CTNND2: variants seen among roughly 807,000 people sequenced by gnomAD.
CTNND2 encodes catenin delta 2, also known as catenin delta-2.
CTNND2 carries 22 observed loss-of-function variants against 144.4 expected under a neutral mutation model. The ratio of observed to expected loss-of-function variants is 0.15; its 90% confidence interval spans 0.11 to 0.22. The LOEUF is 0.22. CTNND2 is among the 10% of genes least tolerant of loss of function. The probability of loss-of-function intolerance (pLI) is 1.00; values close to 1 mark genes in which losing one functional copy is unlikely to be tolerated. For synonymous variants in CTNND2, 751 were observed against 695.6 expected, an observed-to-expected ratio of 1.08 and a Z score of -1.25; for missense variants, 1,353 against 1,618.8, an observed-to-expected ratio of 0.84 and a Z score of 2.82.
At chr5:11,020,399 G>T (rs1742115101) in intron 17 of CTNND2, among the ~76,000 whole-genome samples, 2 of 151,948 alleles carry the variant, frequency 1.3e-5, no homozygotes, top group South Asian at 4.2e-4. Context: ...TTTAGGGTGG[G>T]CAAATTAGCA....
At chr5:10,993,491 A>G (rs1033356939) in intron 18 of CTNND2, among the ~76,000 whole-genome samples, 1 of 152,188 alleles carries the variant, frequency 6.6e-6, no homozygotes, top group Non-Finnish European at 1.5e-5. Flanking sequence ...TTTTTATCAA[A>G]GTAACATGTT....
chr5:11,743,291 G>T (rs999350813), intron 1 of CTNND2, among the ~76,000 whole-genome samples: 5 of 152,150 alleles, frequency 3.3e-5, no homozygotes, highest in African/African-American at 1.2e-4. Flanking sequence ...TGCATTAGGA[G>T]CATTTCTCTA....
chr5:11,561,202 A>G (rs1471491663), intron 3 of CTNND2, among the ~76,000 whole-genome samples: 1 of 152,192 alleles, frequency 6.6e-6, no homozygotes, highest in Non-Finnish European at 1.5e-5. Context: ...GCAGGACTTG[A>G]TCATGACCCT....
At chr5:11,623,808 G>GTATATATATATATATA (rs58954001) in intron 2 of CTNND2, among the ~76,000 whole-genome samples, 2 of 40,756 alleles carry the variant, frequency 4.9e-5, no homozygotes, top group Non-Finnish European at 9.9e-5. Context: ...ATGTGTGTAT[G>GTATATATATATATATA]TATATATATA....
intron 2 of CTNND2, among the ~76,000 whole-genome samples, chr5:11,625,068 A>G (rs535598041): frequency 9.9e-5 from 15 of 152,114 alleles, no homozygotes; most frequent in Non-Finnish European, 1.9e-4. Flanking sequence ...TAGCATACAA[A>G]GATATGACCA....
At chr5:11,638,736 G>C (rs1781839430) in intron 2 of CTNND2, among the ~76,000 whole-genome samples, 1 of 151,970 alleles carries the variant, frequency 6.6e-6, no homozygotes, top group South Asian at 2.1e-4. Context: ...ACCACACCAG[G>C]CTATTTTTTG....
intron 2 of CTNND2, among the ~76,000 whole-genome samples, chr5:11,606,789 G>T (rs1387026950): frequency 6.6e-6 from 1 of 152,160 alleles, no homozygotes; most frequent in African/African-American, 2.4e-5. Flanking sequence ...TTCAGGATTT[G>T]TTCATCAACA....
At chr5:11,222,319 T>C (rs945163083) in intron 10 of CTNND2, among the ~76,000 whole-genome samples, 5 of 152,360 alleles carry the variant, frequency 3.3e-5, no homozygotes, top group South Asian at 4.1e-4. Context: ...TGCATCATTG[T>C]TCGCAAGTCA....
At chr5:11,482,915 C>G (rs574835883) in intron 3 of CTNND2, among the ~76,000 whole-genome samples, 3 of 151,932 alleles carry the variant, frequency 2.0e-5, no homozygotes, top group East Asian at 3.9e-4. Flanking sequence ...GGTCAGCAGG[C>G]AAAGGGGAGG....
At chr5:11,737,922 T>C (rs1426955148) in intron 1 of CTNND2, among the ~76,000 whole-genome samples, 1 of 152,200 alleles carries the variant, frequency 6.6e-6, no homozygotes, top group African/African-American at 2.4e-5. Flanking sequence ...GGACTTCTGG[T>C]CTCCAGAAAT....
intron 18 of CTNND2, 74 bp downstream of exon 18, chr5:11,017,900 C>T: frequency 8.6e-7 from 1 of 1,167,048 alleles, no homozygotes; most frequent in Non-Finnish European, 1.3e-6. Context: ...GGAAAGTGCC[C>T]TCCACGTCTG....
intron 9 of CTNND2, among the ~76,000 whole-genome samples, chr5:11,281,026 C>T (rs1747057980): frequency 2.0e-5 from 3 of 152,172 alleles, no homozygotes; most frequent in Non-Finnish European, 4.4e-5. Context: ...ACTTCACCTT[C>T]TTTGAATCAG....
chr5:11,442,582 A>T (rs1764356396), intron 3 of CTNND2, among the ~76,000 whole-genome samples: 1 of 151,978 alleles, frequency 6.6e-6, no homozygotes, highest in Non-Finnish European at 1.5e-5. Context: ...TTTGGGAAAT[A>T]GGATTAGCTT....
In CTNND2 at chr5:11,795,043, CAATA is replaced by C. The variant is rs1264307156; in HGVS notation, c.38-62775_38-62772del. On this transcript the variant is annotated intron_variant, in intron 1 of 21. Transcript: ENST00000304623. Reference sequence around the variant, plus strand: ...CAACCTTATGCAATTGGATAACAAACAATAAATTAAAACGTTCTTCAGGGACCAT... The same window carrying C: ...CAACCTTATGCAATTGGATAACAAACAATTAAAACGTTCTTCAGGGACCAT... 4.6e-5 allele frequency among the ~76,000 whole-genome samples: 7 copies of C among 152,226 alleles called. No individual in the cohort carries two copies. The South Asian group carries it at 6.2e-4, about 14-fold the overall frequency.
At chr5:11,440,718 T>C (rs1254807928) in intron 3 of CTNND2, among the ~76,000 whole-genome samples, 2 of 152,186 alleles carry the variant, frequency 1.3e-5, no homozygotes, top group African/African-American at 4.8e-5. Flanking sequence ...GGCCAACATA[T>C]ATATTTGTAC....
At chr5:11,111,477 G>A (rs901512529) in intron 13 of CTNND2, among the ~76,000 whole-genome samples, 4 of 152,140 alleles carry the variant, frequency 2.6e-5, no homozygotes, top group African/African-American at 9.7e-5. Context: ...ACTGCCCACC[G>A]GAGCATTTTC....
At chr5:11,213,625 A>G (rs528912415) in intron 10 of CTNND2, among the ~76,000 whole-genome samples, 1 of 152,222 alleles carries the variant, frequency 6.6e-6, no homozygotes, top group South Asian at 2.1e-4. Flanking sequence ...AATTTACAAA[A>G]TTATGTACCA....
intron 3 of CTNND2, among the ~76,000 whole-genome samples, chr5:11,500,139 T>A (rs42271): frequency 0.54 from 81,858 of 152,014 alleles, 22,480 homozygotes; most frequent in Middle Eastern, 0.63. Flanking sequence ...AATTCTCTGA[T>A]AAGAAACAGA....
chr5:11,410,070 T>C (rs1181323042), intron 5 of CTNND2, among the ~76,000 whole-genome samples: 2 of 152,268 alleles, frequency 1.3e-5, no homozygotes, highest in South Asian at 2.1e-4. Flanking sequence ...GGCAAACTAT[T>C]CTGTTGCTGC....
Sources: allele counts gnomAD v4.1 joint callset (sites outside exome capture counted in the v4.1 genomes callset), GRCh38; gene constraint gnomAD v4.1.1; transcripts MANE v1.5; gene names NCBI Gene and HGNC (gene_info 2026-07-23, HGNC 2026-07-21).